The following ADGRL2 variants were observed in gnomAD, a reference collection of about 807,000 sequenced individuals.
ADGRL2 encodes the protein calcium-independent alpha-latrotoxin receptor 2.
ADGRL2 carries 44 observed loss-of-function variants against 157.4 expected under a neutral mutation model. That is an observed-to-expected ratio of 0.28 (90% CI 0.22 to 0.36). ADGRL2 has a LOEUF of 0.36. Among genes scored for constraint, ADGRL2 ranks in the 10% least tolerant of loss-of-function variants. The pLI is 1.00. For missense variants in ADGRL2, 1,510 were observed against 1,768.9 expected, an observed-to-expected ratio of 0.85 and a Z score of 2.63; for synonymous variants, 585 against 624.7, an observed-to-expected ratio of 0.94 and a Z score of 0.95.
At chr1:81,931,593 A>G (rs2148779767) in intron 3 of ADGRL2, among the ~76,000 whole-genome samples, 1 of 152,278 alleles carries the variant, frequency 6.6e-6, no homozygotes, top group East Asian at 1.9e-4. Flanking sequence ...AGAATTTGGG[A>G]CTGAGTGCTT....
chr1:81,769,092 A>AT (rs1242933645), intron 2 of ADGRL2, among the ~76,000 whole-genome samples: 1 of 152,014 alleles, frequency 6.6e-6, no homozygotes, highest in Non-Finnish European at 1.5e-5. Flanking sequence ...CAAAAAAAAA[A>AT]TTGAATTATC....
chr1:81,969,713 G>C (rs1192194383), intron 15 of ADGRL2, among the ~76,000 whole-genome samples: 1 of 152,124 alleles, frequency 6.6e-6, no homozygotes, highest in South Asian at 2.1e-4. Context: ...ATTCTGACCA[G>C]TGATCCTTTC....
At chr1:81,697,799 A>T (rs1199679423), upstream of ADGRL2, among the ~76,000 whole-genome samples, 2 of 152,218 alleles carry the variant, frequency 1.3e-5, no homozygotes, top group Non-Finnish European at 2.9e-5. Context: ...TAGTTTTGTA[A>T]AAGTTCAAGC....
chr1:81,967,721 A>C (rs1254553215), intron 13 of ADGRL2, among the ~76,000 whole-genome samples: 2 of 152,218 alleles, frequency 1.3e-5, no homozygotes, highest in African/African-American at 4.8e-5. Flanking sequence ...TATGGCTCTA[A>C]TTTTATCAGA....
At chr1:81,353,537 C>T (rs1557621140) in intron 1 of ADGRL2, among the ~76,000 whole-genome samples, 1 of 151,706 alleles carries the variant, frequency 6.6e-6, no homozygotes, top group African/African-American at 2.4e-5. Context: ...CTTTAAAGAC[C>T]AAAACAAGGA....
At chr1:81,878,392 GATTT>G (rs2093896656) in intron 2 of ADGRL2, among the ~76,000 whole-genome samples, 1 of 152,048 alleles carries the variant, frequency 6.6e-6, no homozygotes, top group African/African-American at 2.4e-5. Context: ...GATTTCAGAA[GATTT>G]ATTTATACTA....
chr1:81,493,890 T>G (rs1391314935), intron 2 of ADGRL2, among the ~76,000 whole-genome samples: 1 of 152,128 alleles, frequency 6.6e-6, no homozygotes, highest in Admixed American at 6.6e-5. Flanking sequence ...GCTTATTAAT[T>G]ATTTAAAACG....
intron 2 of ADGRL2, among the ~76,000 whole-genome samples, chr1:81,504,260 A>G (rs1008127217): frequency 6.6e-6 from 1 of 151,268 alleles, no homozygotes; most frequent in East Asian, 2.0e-4. Context: ...CAGCCCACTC[A>G]TCCTTTCCCC....
At chr1:81,523,278 A>T (rs2148182169) in intron 2 of ADGRL2, among the ~76,000 whole-genome samples, 1 of 152,288 alleles carries the variant, frequency 6.6e-6, no homozygotes, top group Non-Finnish European at 1.5e-5. Flanking sequence ...CTGATACCAA[A>T]TTTTTTATAT....
rs1648760007 is a variant in ADGRL2, at chr1:81,943,478, GA to G, written c.920del (p.Glu307GlyfsTer14). On this transcript the variant is annotated frameshift_variant, in exon 6 of 24. Transcript: ENST00000686636. LOFTEE classifies it high-confidence loss of function. The surrounding 1 kb of genome is among the most constrained non-coding windows in gnomAD (Gnocchi z 5.6). The stretch of plus-strand genomic sequence containing the variant: ...CACTCTTCGATTTGAAGCAACGTGG[GA>G]GACTGTATACGACAAACGTGCCGCA... The part of the protein sequence containing the change: ...PYTLRFEATW[E>X]TVYDKRAASN... 6.2e-7 allele frequency: 1 copy of G among 1,613,644 alleles called. No individual in the cohort carries two copies.
intron 2 of ADGRL2, among the ~76,000 whole-genome samples, chr1:81,533,284 C>G (rs1347396744): frequency 2.0e-5 from 3 of 152,096 alleles, no homozygotes; most frequent in Non-Finnish European, 4.4e-5. Flanking sequence ...GAGGCTGAGG[C>G]AAGAGACTCA....
intron 2 of ADGRL2, among the ~76,000 whole-genome samples, chr1:81,790,709 G>T (rs1194365238): frequency 1.3e-5 from 2 of 152,160 alleles, no homozygotes; most frequent in African/African-American, 4.8e-5. Context: ...ACTACAGCTA[G>T]ACACTGAAAA....
intron 2 of ADGRL2, among the ~76,000 whole-genome samples, chr1:81,447,333 A>G (rs1431295674): frequency 6.6e-6 from 1 of 152,208 alleles, no homozygotes; most frequent in African/African-American, 2.4e-5. Context: ...ATAATATTAG[A>G]TATTAAGAGA....
intron 1 of ADGRL2, among the ~76,000 whole-genome samples, chr1:81,330,097 A>G (rs979301831): frequency 1.3e-5 from 2 of 152,140 alleles, no homozygotes; most frequent in Non-Finnish European, 2.9e-5. Flanking sequence ...GGTATTTGCC[A>G]TATGCTAATA....
At chr1:81,381,009 C>T (rs1319656984) in intron 1 of ADGRL2, among the ~76,000 whole-genome samples, 1 of 151,946 alleles carries the variant, frequency 6.6e-6, no homozygotes, top group Non-Finnish European at 1.5e-5. Context: ...ATGTTATAGA[C>T]CTCAATAAAA....
intron 2 of ADGRL2, among the ~76,000 whole-genome samples, chr1:81,890,553 G>T (rs2094234128): frequency 6.6e-6 from 1 of 152,058 alleles, no homozygotes; most frequent in Admixed American, 6.6e-5. Flanking sequence ...GGAACAAACA[G>T]CAAGAAGGTA....
At chr1:81,717,195 G>T (rs1052893700) in intron 1 of ADGRL2, among the ~76,000 whole-genome samples, 1 of 152,174 alleles carries the variant, frequency 6.6e-6, no homozygotes, top group Non-Finnish European at 1.5e-5. Flanking sequence ...ACATTTGAAT[G>T]CACTTGAGAG....
At chr1:81,936,069 A>G (rs1431770094) in intron 3 of ADGRL2, among the ~76,000 whole-genome samples, 1 of 151,956 alleles carries the variant, frequency 6.6e-6, no homozygotes, top group African/African-American at 2.4e-5. Flanking sequence ...AGTAACAATA[A>G]TGCTTAGACA....
chr1:81,903,287 AT>A (rs1329241763), intron 2 of ADGRL2, among the ~76,000 whole-genome samples: 1 of 152,128 alleles, frequency 6.6e-6, no homozygotes, highest in Non-Finnish European at 1.5e-5. Context: ...TTTCACTACT[AT>A]TCATGTAGTT....
Sources: gnomAD v4.1 joint callset for allele counts (sites outside exome capture counted in the v4.1 genomes callset) on GRCh38, gnomAD v4.1.1 for gene constraint, Gnocchi (gnomAD v3.1) non-coding constraint, MANE v1.5 for transcripts, NCBI Gene and HGNC (gene_info 2026-07-23, HGNC 2026-07-21) for gene names.